Variants in CLVS1 observed in about 807,000 individuals in gnomAD.
The protein encoded by CLVS1 is clavesin-1.
A neutral mutation model predicts 33.1 loss-of-function variants in CLVS1; 10 were observed. The observed-to-expected ratio is 0.30, with a 90% CI of 0.19 to 0.51. The LOEUF (loss-of-function observed/expected upper bound fraction) is 0.51. Ranked by LOEUF, CLVS1 falls within the 20% of genes least tolerant of loss-of-function variation. The pLI is 0.97. For missense variants in CLVS1, 343 were observed against 433.4 expected (o/e 0.79, Z 1.85); for synonymous variants, 163 against 166.1 (o/e 0.98, Z 0.14).
At chr8:61,286,702 A>T (rs10100271), upstream of CLVS1, among the ~76,000 whole-genome samples, 6,096 of 152,302 alleles carry the variant, frequency 0.04, 422 homozygotes, top group African/African-American at 0.14. Flanking sequence ...TGATGACTTT[A>T]AAGTCTTTGA....
chr8:61,122,611 C>A (rs982093649), intron 1 of CLVS1, among the ~76,000 whole-genome samples: 5 of 141,778 alleles, frequency 3.5e-5, no homozygotes, highest in Non-Finnish European at 6.1e-5. Flanking sequence ...CACACACACA[C>A]AAGAAAACAG....
At chr8:61,390,434 C>G (rs1031810196) in intron 3 of CLVS1, among the ~76,000 whole-genome samples, 17 of 152,178 alleles carry the variant, frequency 1.1e-4, no homozygotes, top group African/African-American at 4.1e-4. Context: ...CAGGAGTTAA[C>G]TCCTTAGGAT....
intron 2 of CLVS1, among the ~76,000 whole-genome samples, chr8:61,314,459 A>T (rs1810944681): frequency 1.3e-5 from 2 of 152,244 alleles, no homozygotes; most frequent in South Asian, 4.1e-4. Flanking sequence ...CAGTTTTAAA[A>T]TTTTATTTTA....
intron 2 of CLVS1, among the ~76,000 whole-genome samples, chr8:61,243,628 A>G (rs1808742628): frequency 6.6e-6 from 1 of 152,176 alleles, no homozygotes; most frequent in Non-Finnish European, 1.5e-5. Flanking sequence ...GTTGGCATAA[A>G]TGTATTCATA....
chr8:61,106,104 C>T (rs774069281), intron 1 of CLVS1, among the ~76,000 whole-genome samples: 25 of 152,222 alleles, frequency 1.6e-4, no homozygotes, highest in Admixed American at 1.3e-3. Flanking sequence ...TCCGCCACGT[C>T]TTCCTCCTCG....
At chr8:61,315,220 C>G (rs1453732151) in intron 2 of CLVS1, among the ~76,000 whole-genome samples, 5 of 152,212 alleles carry the variant, frequency 3.3e-5, no homozygotes, top group Non-Finnish European at 5.9e-5. Flanking sequence ...TGAACTAAAA[C>G]CCATTTTTAC....
chr8:61,259,099 C>T (rs935714888), intron 2 of CLVS1, among the ~76,000 whole-genome samples: 1 of 152,186 alleles, frequency 6.6e-6, no homozygotes, highest in Non-Finnish European at 1.5e-5. Context: ...AAATCACCTA[C>T]AAAGTGATTT....
intron 2 of CLVS1, among the ~76,000 whole-genome samples, chr8:61,249,586 T>A (rs1345996674): frequency 6.6e-6 from 1 of 152,180 alleles, no homozygotes; most frequent in Non-Finnish European, 1.5e-5. Context: ...GCATCTATTA[T>A]TTCCTGACTT....
intron 2 of CLVS1, among the ~76,000 whole-genome samples, chr8:61,326,229 C>T (rs1300955060): frequency 1.3e-5 from 2 of 152,184 alleles, no homozygotes; most frequent in African/African-American, 4.8e-5. Context: ...GAATAGCAAG[C>T]TACATCAAAA....
At chr8:61,358,089 A>G (rs1446252621) in intron 2 of CLVS1, among the ~76,000 whole-genome samples, 1 of 152,194 alleles carries the variant, frequency 6.6e-6, no homozygotes, top group Non-Finnish European at 1.5e-5. Context: ...ATTGATTCAC[A>G]ATCTTTCAGT....
At chr8:61,028,288 C>T in the CLVS1 span, among the ~76,000 whole-genome samples, 1 of 152,102 alleles carries the variant, frequency 6.6e-6, no homozygotes, top group African/African-American at 2.4e-5. Flanking sequence ...AAAGGCTCTC[C>T]CAGTGGTTTA....
At chr8:61,131,456 C>T (rs895598571) in intron 1 of CLVS1, among the ~76,000 whole-genome samples, 13 of 152,092 alleles carry the variant, frequency 8.5e-5, no homozygotes, top group African/African-American at 2.2e-4. Flanking sequence ...TGTGTTTGAG[C>T]GTTTCTGTCT....
chr8:61,283,133 C>T (rs1190065039), upstream of CLVS1, among the ~76,000 whole-genome samples: 1 of 152,244 alleles, frequency 6.6e-6, no homozygotes, highest in African/African-American at 2.4e-5. Context: ...AAAATATTCT[C>T]TCTCCAACTT....
chr8:61,053,522 G>A (rs1370482478), upstream of CLVS1, among the ~76,000 whole-genome samples: 1 of 152,196 alleles, frequency 6.6e-6, no homozygotes. Context: ...CTATTGTTAA[G>A]CCCCATTTTC....
At chr8:61,433,573 TC>T (rs1457865960) in intron 3 of CLVS1, among the ~76,000 whole-genome samples, 3 of 152,192 alleles carry the variant, frequency 2.0e-5, no homozygotes, top group Non-Finnish European at 1.5e-5. Context: ...CTTCAATAAC[TC>T]CTCTGATGGA....
chr8:61,303,033 C>T (rs1052875621), intron 2 of CLVS1, among the ~76,000 whole-genome samples: 1 of 152,210 alleles, frequency 6.6e-6, no homozygotes, highest in Non-Finnish European at 1.5e-5. Context: ...ACCTCCAAGA[C>T]TGAGGATTGC....
the CLVS1 span, among the ~76,000 whole-genome samples, chr8:61,045,146 G>A: frequency 6.6e-6 from 1 of 152,192 alleles, no homozygotes; most frequent in Non-Finnish European, 1.5e-5. Flanking sequence ...AACTACTGCT[G>A]CTGCTAAACA....
intron 3 of CLVS1, among the ~76,000 whole-genome samples, chr8:61,412,105 T>C (rs113764960): frequency 0.023 from 3,471 of 152,150 alleles, 130 homozygotes; most frequent in African/African-American, 0.078. Flanking sequence ...CAAATATTTC[T>C]TCAGCATTCA....
Position 61,075,037 on chromosome 8 carries a change from A to G in CLVS1, c.-243+17807A>G, listed in dbSNP as rs1585590753. Among the ~76,000 whole-genome samples, 4 of 152,040 alleles carry G rather than the reference A, an allele frequency of 2.6e-5. No individual in the cohort carries two copies. The South Asian group carries it at 6.2e-4, about 24-fold the overall frequency. On this transcript the variant is annotated intron_variant, in intron 1 of 2. Coordinates refer to the CLVS1 transcript ENST00000522621. Reference sequence around the variant, plus strand: ...TCCTGTTGTTCAGGCGGGCATACACAGTTTCTATGATCCTGCTCTAATCTT... The same window carrying G: ...TCCTGTTGTTCAGGCGGGCATACACGGTTTCTATGATCCTGCTCTAATCTT...
Sources: gnomAD v4.1 joint callset for allele counts (sites outside exome capture counted in the v4.1 genomes callset) on GRCh38, gnomAD v4.1.1 for gene constraint, MANE v1.5 for transcripts, NCBI Gene and HGNC (gene_info 2026-07-23, HGNC 2026-07-21) for gene names.